The following PLCB1 variants were observed in gnomAD, a reference collection of about 807,000 sequenced individuals.
PLCB1 encodes the protein phospholipase C beta 1.
PLCB1 carries 46 observed loss-of-function variants against 161.8 expected under a neutral mutation model. The observed-to-expected ratio is 0.28, with a 90% CI of 0.22 to 0.36. The LOEUF is 0.36. PLCB1 is among the 10% of genes least tolerant of loss of function. The pLI, the probability that PLCB1 is intolerant of heterozygous loss-of-function variation, is 1.00. For synonymous variants in PLCB1, 517 were observed against 503.7 expected, an observed-to-expected ratio of 1.03 and a Z score of -0.35; for missense variants, 1,016 against 1,472.5, an observed-to-expected ratio of 0.69 and a Z score of 5.07.
intron 3 of PLCB1, among the ~76,000 whole-genome samples, chr20:8,614,422 G>A (rs1011561013): frequency 5.8e-4 from 88 of 151,822 alleles, no homozygotes; most frequent in African/African-American, 2.0e-3. Flanking sequence ...CCAATGATGA[G>A]AAATATGTTA....
At chr20:8,774,358 G>T (rs1982839372) in intron 26 of PLCB1, among the ~76,000 whole-genome samples, 181 bp from the exon 27 acceptor site, 1 of 152,140 alleles carries the variant, frequency 6.6e-6, no homozygotes, top group Admixed American at 6.5e-5. Context: ...TTCAGTCTCT[G>T]GGATTGGAGA....
intron 2 of PLCB1, among the ~76,000 whole-genome samples, chr20:8,314,265 G>A (rs550640685): frequency 7.9e-5 from 12 of 152,196 alleles, no homozygotes; most frequent in African/African-American, 2.9e-4. Context: ...ATAGAGGAAG[G>A]GGATAGGCCA....
chr20:8,616,373 C>A (rs1317219488), intron 3 of PLCB1, among the ~76,000 whole-genome samples: 2 of 152,174 alleles, frequency 1.3e-5, no homozygotes, highest in Admixed American at 6.6e-5. Context: ...GTGCTTCTTA[C>A]TAAACCCTCC....
chr20:8,471,536 G>T (rs1982053195), intron 3 of PLCB1, among the ~76,000 whole-genome samples: 1 of 152,128 alleles, frequency 6.6e-6, no homozygotes, highest in Non-Finnish European at 1.5e-5. Context: ...ATATGGGAAG[G>T]ATCCTGACAT....
At chr20:8,488,756 A>T (rs1555811140) in intron 3 of PLCB1, among the ~76,000 whole-genome samples, 1 of 152,212 alleles carries the variant, frequency 6.6e-6, no homozygotes, top group Non-Finnish European at 1.5e-5. Flanking sequence ...ATAACATCAT[A>T]TCAAAGTGTA....
intron 2 of PLCB1, among the ~76,000 whole-genome samples, chr20:8,334,241 A>G (rs950890293): frequency 2.0e-5 from 3 of 152,156 alleles, no homozygotes; most frequent in African/African-American, 7.2e-5. Flanking sequence ...AAAAGAAAAC[A>G]TTAGCTTTAA....
chr20:8,191,579 G>A (rs2051971614), intron 2 of PLCB1, among the ~76,000 whole-genome samples: 1 of 151,930 alleles, frequency 6.6e-6, no homozygotes, highest in South Asian at 2.1e-4. Flanking sequence ...TCCAGTTGTG[G>A]TGTATGATTT....
chr20:8,745,192 C>T (rs1981106910), intron 23 of PLCB1, among the ~76,000 whole-genome samples: 1 of 152,096 alleles, frequency 6.6e-6, no homozygotes, highest in South Asian at 2.1e-4. Flanking sequence ...TTGCCCTTAA[C>T]ATGTAATGCT....
intron 2 of PLCB1, among the ~76,000 whole-genome samples, chr20:8,242,064 A>G (rs1462819011): frequency 6.6e-6 from 1 of 151,990 alleles, no homozygotes; most frequent in Admixed American, 6.6e-5. Context: ...ATAAACAGCC[A>G]GATATTAGGA....
intron 2 of PLCB1, among the ~76,000 whole-genome samples, chr20:8,173,524 T>C (rs2123073109): frequency 6.6e-6 from 1 of 152,280 alleles, no homozygotes; most frequent in East Asian, 1.9e-4. Flanking sequence ...CCAGGGTGAC[T>C]ACCTGCTAAA....
At chr20:8,459,882 G>T (rs1981498947) in intron 3 of PLCB1, among the ~76,000 whole-genome samples, 1 of 152,174 alleles carries the variant, frequency 6.6e-6, no homozygotes, top group Non-Finnish European at 1.5e-5. Flanking sequence ...AGTGGGAGAG[G>T]TGTAATTAAG....
intron 2 of PLCB1, among the ~76,000 whole-genome samples, chr20:8,157,161 A>G (rs1230918554): frequency 6.6e-6 from 1 of 152,242 alleles, no homozygotes; most frequent in Non-Finnish European, 1.5e-5. Flanking sequence ...ATTGTTTAAA[A>G]GACTTTCCCT....
intron 31 of PLCB1, among the ~76,000 whole-genome samples, chr20:8,800,454 C>T (rs932538052): frequency 6.8e-6 from 1 of 147,946 alleles, no homozygotes; most frequent in East Asian, 2.0e-4. Flanking sequence ...CACACACACA[C>T]ATATACACAA....
chr20:8,441,261 A>C (rs1980548125), intron 3 of PLCB1, among the ~76,000 whole-genome samples: 1 of 152,210 alleles, frequency 6.6e-6, no homozygotes, highest in Non-Finnish European at 1.5e-5. Context: ...ATTATAGTTG[A>C]AATCTATGTG....
chr20:8,570,176 A>T (rs1208216715), intron 3 of PLCB1, among the ~76,000 whole-genome samples: 1 of 152,144 alleles, frequency 6.6e-6, no homozygotes, highest in African/African-American at 2.4e-5. Context: ...TCCCTCAACC[A>T]TTGAACAAAA....
At chr20:8,639,842 G>T (rs896883182) in intron 4 of PLCB1, among the ~76,000 whole-genome samples, 14 of 150,890 alleles carry the variant, frequency 9.3e-5, no homozygotes, top group African/African-American at 3.4e-4. Flanking sequence ...AAGTCAGGAA[G>T]AGCCATTAAA....
chr20:8,568,624 G>T (rs1487285395), intron 3 of PLCB1, among the ~76,000 whole-genome samples: 2 of 151,732 alleles, frequency 1.3e-5, no homozygotes, highest in East Asian at 1.9e-4. Context: ...AAATATTCCT[G>T]CTTATTTCCA....
intron 2 of PLCB1, among the ~76,000 whole-genome samples, chr20:8,341,616 C>T (rs1002551110): frequency 6.6e-6 from 1 of 152,196 alleles, no homozygotes; most frequent in African/African-American, 2.4e-5. Context: ...CGATCCTAAT[C>T]AAAGCAGCTT....
intron 2 of PLCB1, among the ~76,000 whole-genome samples, chr20:8,225,587 A>T (rs1979638046): frequency 6.6e-6 from 1 of 152,196 alleles, no homozygotes; most frequent in African/African-American, 2.4e-5. Context: ...AGCTTCACCG[A>T]CTTTTTCACC....
Sources: gnomAD v4.1 joint callset for allele counts (sites outside exome capture counted in the v4.1 genomes callset) on GRCh38, gnomAD v4.1.1 for gene constraint, MANE v1.5 for transcripts, NCBI Gene and HGNC (gene_info 2026-07-23, HGNC 2026-07-21) for gene names.